MTMR12: variants seen among roughly 807,000 people sequenced by gnomAD.
MTMR12 encodes the protein myotubularin related protein 12.
A neutral mutation model predicts 96.7 loss-of-function variants in MTMR12; 33 were observed. The observed-to-expected ratio is 0.34, with a 90% CI of 0.26 to 0.46. The LOEUF is 0.46. Ranked by LOEUF, MTMR12 falls within the 20% of genes least tolerant of loss-of-function variation. The probability of loss-of-function intolerance (pLI) is 1.00; values close to 1 mark genes in which losing one functional copy is unlikely to be tolerated. For synonymous variants in MTMR12, 298 were observed against 327.2 expected (o/e 0.91, Z 0.96); for missense variants, 721 against 896.1 (o/e 0.80, Z 2.49).
intron 11 of MTMR12, among the ~76,000 whole-genome samples, chr5:32,242,862 C>T (rs1748538383): frequency 6.6e-6 from 1 of 152,036 alleles, no homozygotes; most frequent in African/African-American, 2.4e-5. Flanking sequence ...AGGGCCAAGG[C>T]TCCTTTCCGC....
At chr5:32,280,828 G>C (rs1750261245) in intron 1 of MTMR12, among the ~76,000 whole-genome samples, 2 of 152,136 alleles carry the variant, frequency 1.3e-5, no homozygotes, top group Admixed American at 1.3e-4. Context: ...AGCTTTAAGA[G>C]ATACATACAT....
rs1747874146 is a variant in MTMR12, at chr5:32,228,794, G to T, written c.*984C>A. The T allele has an allele frequency of 6.6e-6, 1 of 151,702 alleles. No individual in the cohort carries two copies. Among genetic ancestry groups the T allele is most frequent in the African/African-American group, 2.4e-5 (1 of 41,122 alleles). The allele number at this position is 151,702 out of a possible 1,614,324, so 9.4% of individuals were successfully genotyped here. On this transcript the variant is annotated 3_prime_UTR_variant, in exon 16 of 16. Coordinates refer to ENST00000382142, the MANE Select transcript of MTMR12 (RefSeq NM_001040446.3). ...TTTCCTATGAAAGCCACATTCAAAA[G>T]TGACCCAATCCCATCAGTCCATAAA...
At chr5:32,309,564 A>G (rs2111556033) in intron 1 of MTMR12, 1 of 152,216 alleles carries the variant, frequency 6.6e-6, no homozygotes, top group East Asian at 1.9e-4. Context: ...TCTGAAAGAC[A>G]TTTCTCAAAA....
At chr5:32,300,741 A>G (rs1436922692) in intron 1 of MTMR12, among the ~76,000 whole-genome samples, 2 of 152,200 alleles carry the variant, frequency 1.3e-5, no homozygotes, top group Non-Finnish European at 2.9e-5. Context: ...AAAGAGAAAA[A>G]GCAGCCACTT....
intron 6 of MTMR12, among the ~76,000 whole-genome samples, chr5:32,267,512 A>G (rs1274614683): frequency 6.6e-6 from 1 of 152,236 alleles, no homozygotes; most frequent in East Asian, 1.9e-4. Flanking sequence ...TCAGATGACC[A>G]GTTTTGTTCT....
rs1554053424 is a variant in MTMR12, at chr5:32,228,597, T to TATATATC, written c.*1180_*1181insGATATAT. The TATATATC allele has an allele frequency of 7.8e-3, 612 of 78,856 alleles. No homozygotes were observed. The highest frequency in any genetic ancestry group is 0.019 in the East Asian group (42 of 2,176). 4.9% of individuals were successfully genotyped at this position (78,856 alleles called of 1,614,324 possible). A position where few individuals can be genotyped will look rare whatever the true frequency, so the allele number is the denominator to read the frequency against. ...ATATATATCATATATATGTGATATATATATATATATCATATATATGATATA... is the reference window on the plus strand; with the variant it reads ...ATATATATCATATATATGTGATATATATATATCATATATATATCATATATATGATATA... On this transcript the variant is annotated 3_prime_UTR_variant, in exon 16 of 16. Coordinates refer to ENST00000382142, the MANE Select transcript of MTMR12 (RefSeq NM_001040446.3).
chr5:32,310,803 C>A (rs1404130211), intron 1 of MTMR12, among the ~76,000 whole-genome samples: 1 of 151,006 alleles, frequency 6.6e-6, no homozygotes, highest in African/African-American at 2.4e-5. Context: ...GTGTGTAACA[C>A]AAAGGAAGGA....
chr5:32,289,729 G>A (rs1018127148), intron 1 of MTMR12, among the ~76,000 whole-genome samples: 1 of 152,116 alleles, frequency 6.6e-6, no homozygotes, highest in African/African-American at 2.4e-5. Context: ...ATGCATAATT[G>A]GCATAGACAT....
rs1266957789 is a variant in MTMR12 at position 32,234,948 on chromosome 5, A to C, written c.1512+14T>G. The C allele has an allele frequency of 2.5e-6, 4 of 1,603,150 alleles. No homozygotes were observed. The highest frequency in any genetic ancestry group is 3.4e-6 in the Non-Finnish European group (4 of 1,171,742). On this transcript the variant is annotated intron_variant, in intron 14 of 15. Transcript: ENST00000382142. ...AGCCTCTTTAATACACAGGTTCCTA[A>C]GAGGGACTCTTACCATGTTAGTATC...
intron 1 of MTMR12, among the ~76,000 whole-genome samples, chr5:32,289,239 G>A (rs183934553): frequency 1.3e-5 from 2 of 152,326 alleles, no homozygotes; most frequent in East Asian, 3.9e-4. Flanking sequence ...CTGATAGGAA[G>A]CCTACTGCAT....
At chr5:32,303,105 C>T (rs1351776880) in intron 1 of MTMR12, among the ~76,000 whole-genome samples, 1 of 152,192 alleles carries the variant, frequency 6.6e-6, no homozygotes, top group African/African-American at 2.4e-5. Flanking sequence ...TGAATAACAA[C>T]AATAATGGCC....
chr5:32,238,653 C>T (rs1273186899), intron 13 of MTMR12, among the ~76,000 whole-genome samples: 4 of 152,168 alleles, frequency 2.6e-5, no homozygotes, highest in Admixed American at 2.6e-4. Flanking sequence ...CTTTTTATTG[C>T]AAAGACTAAT....
In MTMR12 at chr5:32,228,516, A is replaced by ATATATCATATATATGAT. The variant is rs1400778000; in HGVS notation, c.*1261_*1262insATCATATATATGATATA. ...AAGTATACTTTCCTGCATTAAAAAA[A>ATATATCATATATATGAT]ATATATATCATATATATGATATATA... On this transcript the variant is annotated 3_prime_UTR_variant, in exon 16 of 16. Coordinates refer to ENST00000382142, the MANE Select transcript of MTMR12 (RefSeq NM_001040446.3). 9.2e-6 allele frequency: 1 copy of ATATATCATATATATGAT among 108,222 alleles called. No individual in the cohort carries two copies. The highest frequency in any genetic ancestry group is 3.2e-5 in the African/African-American group (1 of 31,586). The allele number at this position is 108,222 out of a possible 1,614,324, so 6.7% of individuals were successfully genotyped here. A position where few individuals can be genotyped will look rare whatever the true frequency, so the allele number is the denominator to read the frequency against.
chr5:32,268,899 C>A, intron 5 of MTMR12, 105 bp from the exon 6 acceptor site: 1 of 779,582 alleles, frequency 1.3e-6, no homozygotes, highest in Non-Finnish European at 2.2e-6. Context: ...AAAGGGGTTC[C>A]AATGGACAAC....
intron 12 of MTMR12, 126 bp downstream of exon 12, chr5:32,241,931 A>G (rs1748489828): frequency 1.4e-6 from 1 of 720,324 alleles, no homozygotes; most frequent in Non-Finnish European, 2.2e-6. Context: ...TTAGGGAGAA[A>G]GGAATAGGAA....
intron 8 of MTMR12, among the ~76,000 whole-genome samples, chr5:32,252,538 C>T (rs1748975995): frequency 6.6e-6 from 1 of 152,172 alleles, no homozygotes; most frequent in South Asian, 2.1e-4. Context: ...TGCAATCTTG[C>T]AGATCAGTGG....
At position 32,276,606 on chromosome 5, in the gene MTMR12, T is replaced by C; in HGVS notation, c.142+76A>G. The C allele has an allele frequency of 2.4e-6, 3 of 1,260,824 alleles. No homozygotes were observed. In the South Asian group the frequency reaches 3.8e-5, roughly 16 times the overall value. The allele number at this position is 1,260,824 out of a possible 1,614,324, so 78.1% of individuals were successfully genotyped here. On this transcript the variant is annotated intron_variant, in intron 2 of 15. Coordinates refer to ENST00000382142, the MANE Select transcript of MTMR12 (RefSeq NM_001040446.3). ...AGATGAAAACAAAGGAGTTTAAATA[T>C]AGCAAGGCTAGGGATGATGTAATTT...
chr5:32,248,721 T>C (rs1748793513), intron 9 of MTMR12, 51 bp downstream of exon 9: 1 of 1,441,380 alleles, frequency 6.9e-7, no homozygotes, highest in African/African-American at 1.4e-5. Context: ...TGTTCCCTGC[T>C]TCTTGGAAAA....
At chr5:32,262,645 A>G (rs2112059245) in intron 7 of MTMR12, among the ~76,000 whole-genome samples, 1 of 152,260 alleles carries the variant, frequency 6.6e-6, no homozygotes, top group South Asian at 2.1e-4. Context: ...ACCAAAAAAC[A>G]TTATTCAAAG....
Sources: allele counts gnomAD v4.1 joint callset (sites outside exome capture counted in the v4.1 genomes callset), GRCh38; gene constraint gnomAD v4.1.1; transcripts MANE v1.5; gene names NCBI Gene and HGNC (gene_info 2026-07-23, HGNC 2026-07-21).